PRDM16: variants seen among roughly 807,000 people sequenced by gnomAD.
PRDM16 encodes PR/SET domain 16.
A neutral mutation model predicts 110.6 loss-of-function variants in PRDM16; 23 were observed. The observed-to-expected ratio is 0.21, with a 90% confidence interval of 0.15 to 0.29. The LOEUF is 0.29. Among genes scored for constraint, PRDM16 ranks in the 10% least tolerant of loss-of-function variants. PRDM16 has a pLI of 1.00. For synonymous variants in PRDM16, 799 were observed against 781.8 expected (o/e 1.02, Z -0.37); for missense variants, 1,615 against 1,794.3 (o/e 0.90, Z 1.81).
At chr1:3,400,437 G>T (rs1231139168) in intron 5 of PRDM16, among the ~76,000 whole-genome samples, 1 of 152,182 alleles carries the variant, frequency 6.6e-6, no homozygotes, top group Non-Finnish European at 1.5e-5. Flanking sequence ...TTTCAAGGTG[G>T]CATTTTGTAG....
intron 3 of PRDM16, among the ~76,000 whole-genome samples, chr1:3,269,991 CAG>C (rs577092630): frequency 1.3e-4 from 19 of 146,370 alleles, no homozygotes; most frequent in African/African-American, 2.8e-4. Flanking sequence ...GGAGGACAGT[CAG>C]GGGAGCATAG....
At chr1:3,225,600 A>G (rs2100874596) in intron 2 of PRDM16, among the ~76,000 whole-genome samples, 1 of 151,458 alleles carries the variant, frequency 6.6e-6, no homozygotes, top group Non-Finnish European at 1.5e-5. Flanking sequence ...AAGGAAACGC[A>G]AGGAAGATCA....
chr1:3,371,441 C>T (rs1302811654), intron 3 of PRDM16, among the ~76,000 whole-genome samples: 1 of 150,904 alleles, frequency 6.6e-6, no homozygotes, highest in Non-Finnish European at 1.5e-5. Flanking sequence ...ATCCATACAT[C>T]CATTTATCCA....
intron 1 of PRDM16, among the ~76,000 whole-genome samples, chr1:3,180,176 T>C (rs572704413): frequency 1.3e-5 from 2 of 151,946 alleles, no homozygotes; most frequent in South Asian, 4.2e-4. Context: ...TTTTTGTTTT[T>C]TGTTTTTGTT....
intron 1 of PRDM16, among the ~76,000 whole-genome samples, chr1:3,076,604 C>T (rs1219244350): frequency 1.3e-5 from 2 of 152,208 alleles, no homozygotes; most frequent in Non-Finnish European, 2.9e-5. Flanking sequence ...TGTCTCCTTC[C>T]TCGCCCACAG....
chr1:3,396,615 G>A (rs372886561), intron 5 of PRDM16, 22 bp downstream of exon 5: 15 of 1,267,342 alleles, frequency 1.2e-5, no homozygotes, highest in Middle Eastern at 2.5e-4. Flanking sequence ...CCCCCAAACC[G>A]GGCCACGGCC....
In PRDM16 at chr1:3,157,422, T is replaced by TAAAAAAAA. The variant is rs34858929; in HGVS notation, c.38-28690_38-28683dup. 1.6e-5 allele frequency among the ~76,000 whole-genome samples: 2 copies of TAAAAAAAA among 122,180 alleles called. No individual in the cohort carries two copies. The highest frequency in any genetic ancestry group is 1.7e-5 in the Non-Finnish European group (1 of 59,466). The allele number at this position is 122,180 out of a possible 152,430, so 80.2% of individuals were successfully genotyped here. On this transcript the variant is annotated intron_variant, in intron 1 of 16. Coordinates refer to ENST00000270722, the MANE Select transcript of PRDM16 (RefSeq NM_022114.4). The surrounding 1 kb of genome is among the most constrained non-coding windows in gnomAD (Gnocchi z 4.8). ...GCTCCCAGGCCTTTTGCGATCCCAT[T>TAAAAAAAA]AAAAAAAAAAAAAAAAAAAACACCT...
intron 3 of PRDM16, among the ~76,000 whole-genome samples, chr1:3,364,135 G>A (rs576045873): frequency 1.3e-5 from 2 of 152,262 alleles, no homozygotes; most frequent in South Asian, 2.1e-4. Context: ...TCAGTCCTCC[G>A]AGAGCTCCAG....
chr1:3,236,546 C>T (rs535030501), intron 2 of PRDM16, among the ~76,000 whole-genome samples: 9 of 152,328 alleles, frequency 5.9e-5, no homozygotes, highest in Non-Finnish European at 1.2e-4. Flanking sequence ...TGGGCGTGGC[C>T]ATGGGCCCCA....
intron 3 of PRDM16, among the ~76,000 whole-genome samples, chr1:3,333,819 T>G (rs1393858660): frequency 6.6e-6 from 1 of 152,098 alleles, no homozygotes; most frequent in Non-Finnish European, 1.5e-5. Context: ...AGATCTGCTT[T>G]AAAAGAGTCT....
Position 3,385,291 on chromosome 1 carries a change from G to A in PRDM16, c.573+5G>A. 6.2e-7 allele frequency: 1 copy of A among 1,613,530 alleles called. No homozygotes were observed. Among genetic ancestry groups the A allele is most frequent in the Non-Finnish European group, 8.5e-7 (1 of 1,179,910 alleles). ...ATGTGTCAGATCAGTGAGCAGGTAG[G>A]TCCGGGCTCATAACAGGGGCTTCTG... On this transcript the variant is annotated splice_donor_5th_base_variant and intron_variant, in intron 4 of 16. Coordinates refer to ENST00000270722, the MANE Select transcript of PRDM16 (RefSeq NM_022114.4).
intron 3 of PRDM16, among the ~76,000 whole-genome samples, chr1:3,331,784 AC>A (rs1570089405): frequency 2.6e-5 from 4 of 151,880 alleles, no homozygotes; most frequent in South Asian, 2.1e-4. Flanking sequence ...GGGTTAAGCA[AC>A]CCCTTGTTAG....
At chr1:3,318,568 A>G (rs778493732) in intron 3 of PRDM16, among the ~76,000 whole-genome samples, 2 of 152,028 alleles carry the variant, frequency 1.3e-5, no homozygotes, top group African/African-American at 2.4e-5. Context: ...TTGATCATCT[A>G]TCAGTCGATT....
chr1:3,190,189 G>T lies in PRDM16; in HGVS notation c.387+3715G>T, dbSNP rs572947437. Among the ~76,000 whole-genome samples the T allele has an allele frequency of 6.6e-6, 1 of 151,142 alleles. No homozygotes were observed. The highest frequency in any genetic ancestry group is 2.5e-5 in the African/African-American group (1 of 40,792). ...CGTGGGGCAGCCTTACTTCAAGGTCGTGGGGCAGCGTTACTTCAAGGTCGT... is the reference window on the plus strand; with the variant it reads ...CGTGGGGCAGCCTTACTTCAAGGTCTTGGGGCAGCGTTACTTCAAGGTCGT... On this transcript the variant is annotated intron_variant, in intron 2 of 16. Transcript: ENST00000270722. This position sits in a 1 kb window ranked among gnomAD's most constrained non-coding sequence, Gnocchi z 5.0.
intron 3 of PRDM16, among the ~76,000 whole-genome samples, chr1:3,305,118 C>T (rs1641285118): frequency 6.6e-6 from 1 of 152,190 alleles, no homozygotes; most frequent in African/African-American, 2.4e-5. Context: ...GGAAAGCCTA[C>T]AGGTGCCAGC....
intron 3 of PRDM16, among the ~76,000 whole-genome samples, chr1:3,368,055 G>A (rs988047260): frequency 8.5e-5 from 13 of 152,222 alleles, no homozygotes; most frequent in Non-Finnish European, 1.6e-4. Flanking sequence ...ATGCCAGAGG[G>A]CCCAATCCCC....
intron 1 of PRDM16, among the ~76,000 whole-genome samples, chr1:3,085,630 T>A (rs1450508017): frequency 1.3e-5 from 2 of 152,204 alleles, no homozygotes; most frequent in African/African-American, 4.8e-5. Flanking sequence ...CTCGTGGGGC[T>A]GTGGTGTCAT....
chr1:3,431,964 A>G lies in PRDM16; in HGVS notation c.3522-2A>G. On this transcript the variant is annotated splice_acceptor_variant, in intron 15 of 16. Coordinates refer to ENST00000270722, the MANE Select transcript of PRDM16 (RefSeq NM_022114.4). LOFTEE classifies it high-confidence loss of function. ...CTTCCCTCTCCCCGGTCATTGGTGC[A>G]GGTGTGCTGAGGACCACGAAGGCGG... 1.2e-6 allele frequency: 2 copies of G among 1,612,202 alleles called. No individual in the cohort carries two copies. Among genetic ancestry groups the G allele is most frequent in the Non-Finnish European group, 1.7e-6 (2 of 1,179,386 alleles).
chr1:3,365,535 G>A (rs1476922940), intron 3 of PRDM16, among the ~76,000 whole-genome samples: 1 of 152,214 alleles, frequency 6.6e-6, no homozygotes, highest in African/African-American at 2.4e-5. Flanking sequence ...AAGAGCTCTG[G>A]ACCATGGGGT....
Sources: allele counts gnomAD v4.1 joint callset (sites outside exome capture counted in the v4.1 genomes callset), GRCh38; gene constraint gnomAD v4.1.1; non-coding constraint Gnocchi (gnomAD v3.1); transcripts MANE v1.5; gene names NCBI Gene and HGNC (gene_info 2026-07-23, HGNC 2026-07-21).